ING3: variants seen among roughly 807,000 people sequenced by gnomAD.
ING3 encodes inhibitor of growth protein 3.
In ING3, 6 loss-of-function variants were observed where a neutral mutation model predicts 64.8. That is an observed-to-expected ratio of 0.09 (90% CI 0.05 to 0.18). The LOEUF is 0.18. Ranked by LOEUF, ING3 falls within the 10% of genes least tolerant of loss-of-function variation. The probability of loss-of-function intolerance (pLI) is 1.00; values close to 1 mark genes in which losing one functional copy is unlikely to be tolerated. For synonymous variants in ING3, 170 were observed against 173.7 expected (o/e 0.98, Z 0.17); for missense variants, 310 against 489.7 (o/e 0.63, Z 3.46).
intron 4 of ING3, among the ~76,000 whole-genome samples, chr7:120,957,883 A>G (rs1795874398): frequency 6.6e-6 from 1 of 152,232 alleles, no homozygotes; most frequent in Admixed American, 6.5e-5. Context: ...AAAGTTATTT[A>G]ATCTTGAACC....
At chr7:120,970,173 GA>G (rs1796047483) in intron 9 of ING3, among the ~76,000 whole-genome samples, 1 of 151,852 alleles carries the variant, frequency 6.6e-6, no homozygotes, top group Non-Finnish European at 1.5e-5. Flanking sequence ...TTAAAAATAC[GA>G]ATAATGAGTG....
At chr7:120,954,591 G>A (rs987273531) in intron 3 of ING3, among the ~76,000 whole-genome samples, 1 of 152,094 alleles carries the variant, frequency 6.6e-6, no homozygotes, top group African/African-American at 2.4e-5. Context: ...TAGCTTGGAA[G>A]ATACCTGGAG....
At chr7:120,956,025 A>G (rs950870299) in intron 4 of ING3, 28 of 677,494 alleles carry the variant, frequency 4.1e-5, no homozygotes, top group Non-Finnish European at 6.5e-5. Flanking sequence ...AGTTCTTGGT[A>G]GTCTGATTAA....
intron 3 of ING3, among the ~76,000 whole-genome samples, chr7:120,954,390 C>T (rs1795813572): frequency 6.6e-6 from 1 of 151,266 alleles, no homozygotes; most frequent in Non-Finnish European, 1.5e-5. Flanking sequence ...CGCGCCACTG[C>T]ACTACAGCCT....
intron 10 of ING3, among the ~76,000 whole-genome samples, chr7:120,971,352 G>T (rs999079752): frequency 2.0e-5 from 3 of 151,842 alleles, no homozygotes; most frequent in Non-Finnish European, 4.4e-5. Flanking sequence ...TCTTATAAGG[G>T]CACCAGCCTT....
intron 10 of ING3, among the ~76,000 whole-genome samples, chr7:120,972,185 A>G (rs2721370): frequency 0.2 from 30,340 of 151,966 alleles, 3,328 homozygotes; most frequent in African/African-American, 0.21. Context: ...CATGGATTAT[A>G]TACTTAGAAG....
At chr7:120,960,126 C>T (rs974285559) in intron 4 of ING3, among the ~76,000 whole-genome samples, 1 of 152,120 alleles carries the variant, frequency 6.6e-6, no homozygotes, top group Non-Finnish European at 1.5e-5. Context: ...GAAAGAACCA[C>T]CTGTTGGAAA....
In ING3 at chr7:120,953,296, T is replaced by C. The variant is rs1795795137; in HGVS notation, c.101-8T>C. On this transcript the variant is annotated splice_region_variant and splice_polypyrimidine_tract_variant and intron_variant, in intron 2 of 11. Transcript: ENST00000315870. ...CATTTAATATGAATTTTTTTTATTA[T>C]GTCATAGATGCAATGGATCAACTAG... is the stretch of plus-strand genomic sequence containing the variant. 6.6e-7 allele frequency: 1 copy of C among 1,519,920 alleles called. No individual in the cohort carries two copies. The highest frequency in any genetic ancestry group is 1.4e-5 in the African/African-American group (1 of 70,980). 94.2% of individuals were successfully genotyped at this position (1,519,920 alleles called of 1,614,324 possible).
In ING3 at chr7:120,970,803, G is replaced by A. The variant is rs747799457; in HGVS notation, c.1024G>A (p.Val342Met). 8 of 1,613,942 alleles carry A rather than the reference G, an allele frequency of 5.0e-6. No homozygotes were observed. The South Asian group carries it at 8.8e-5, about 18-fold the overall frequency. The change falls in exon 10 of 12, where the codon GTG (valine) becomes ATG (methionine). Residue 342 changes from valine (V) to methionine (M), a missense_variant. Physicochemically the swap from Val to Met is conservative, Grantham distance 21. This residue lies in a region of ING3 where 233 missense variants were observed against 289.4 expected (regional missense o/e 0.81). Coordinates refer to ENST00000315870, the MANE Select transcript of ING3 (RefSeq NM_019071.3). ...VQEISQQTTVVPESDSNSQVD... is the reference protein window; with the variant it reads ...VQEISQQTTVMPESDSNSQVD... Reference sequence around the variant, plus strand: ...AGAAATCTCTCAACAAACAACTGTAGTGCCAGAATCTGATTCAAATAGTCA... The same window carrying A: ...AGAAATCTCTCAACAAACAACTGTAATGCCAGAATCTGATTCAAATAGTCA...
At chr7:120,969,851 G>A (rs889924275) in intron 9 of ING3, among the ~76,000 whole-genome samples, 3 of 152,116 alleles carry the variant, frequency 2.0e-5, no homozygotes, top group Non-Finnish European at 4.4e-5. Context: ...TTTAAAATAT[G>A]TTATATTTTT....
chr7:120,969,819 C>G (rs1274190082), intron 9 of ING3, among the ~76,000 whole-genome samples: 2 of 152,050 alleles, frequency 1.3e-5, no homozygotes, highest in Non-Finnish European at 2.9e-5. Context: ...AATTAGTTAC[C>G]TAGTAGTTAT....
chr7:120,974,092 T>C (rs1325214597), intron 11 of ING3, among the ~76,000 whole-genome samples: 2 of 152,340 alleles, frequency 1.3e-5, no homozygotes, highest in African/African-American at 2.4e-5. Flanking sequence ...AGAACATCAC[T>C]GTAAACTCTT....
intron 3 of ING3, among the ~76,000 whole-genome samples, chr7:120,954,138 C>CT (rs1795808648): frequency 6.6e-6 from 1 of 152,052 alleles, no homozygotes; most frequent in Non-Finnish European, 1.5e-5. Context: ...CAAGGATCAA[C>CT]TAAGAGGCCT....
chr7:120,968,212 C>T (rs1796022401), intron 8 of ING3, 121 bp downstream of exon 8: 2 of 854,502 alleles, frequency 2.3e-6, no homozygotes, highest in Admixed American at 3.0e-5. Flanking sequence ...ATTTTTAAGT[C>T]ATGATTTCAC....
intron 5 of ING3, among the ~76,000 whole-genome samples, chr7:120,965,270 C>T (rs182588423): frequency 2.0e-4 from 30 of 152,268 alleles, no homozygotes; most frequent in African/African-American, 6.3e-4. Context: ...GAAAAAGACT[C>T]ACATTGGTTT....
intron 8 of ING3, among the ~76,000 whole-genome samples, chr7:120,968,702 C>G (rs1229774217): frequency 6.6e-6 from 1 of 151,662 alleles, no homozygotes; most frequent in Non-Finnish European, 1.5e-5. Context: ...AAAAAATTAG[C>G]TGGGTGCCTG....
rs1796017891 is a variant in ING3, at chr7:120,967,973, C to T, written c.596C>T (p.Ala199Val). 6.2e-7 allele frequency: 1 copy of T among 1,613,894 alleles called. No homozygotes were observed. The highest frequency in any genetic ancestry group is 1.7e-5 in the Admixed American group (1 of 59,986). Residue 199 changes from alanine to valine, a missense_variant, in exon 8 of 12, where the codon GCC (alanine) becomes GTC (valine). By Grantham distance (64) the Ala-to-Val change is moderately conservative (BLOSUM62 0). Around this residue, in one of 3 missense-constraint regions of ING3, gnomAD observed 233 missense variants for 289.4 expected, o/e 0.81. Transcript: ENST00000315870. Reference sequence around the variant, plus strand: ...AATTCCACAGCCTCTTCTAACAATGCCTACAATGTGAATTCCTCCCAACCT... The same window carrying T: ...AATTCCACAGCCTCTTCTAACAATGTCTACAATGTGAATTCCTCCCAACCT... ...NNNSTASSNN[A>V]YNVNSSQPLG...
At chr7:120,963,422 T>C (rs887724468) in intron 4 of ING3, among the ~76,000 whole-genome samples, 1 of 150,934 alleles carries the variant, frequency 6.6e-6, no homozygotes, top group Non-Finnish European at 1.5e-5. Flanking sequence ...ACTTGAGTTA[T>C]ATTATTCTGA....
chr7:120,951,757 C>T (rs1179552183), intron 2 of ING3, among the ~76,000 whole-genome samples: 7 of 152,188 alleles, frequency 4.6e-5, no homozygotes, highest in Non-Finnish European at 1.0e-4. Context: ...ACAGAATCGT[C>T]ATTTTCTTGG....
Sources: allele counts gnomAD v4.1 joint callset (sites outside exome capture counted in the v4.1 genomes callset), GRCh38; gene constraint gnomAD v4.1.1; regional missense constraint gnomAD v4.1.1; transcripts MANE v1.5; gene names NCBI Gene and HGNC (gene_info 2026-07-23, HGNC 2026-07-21).